CILK1: variants seen among roughly 807,000 people sequenced by gnomAD.
CILK1 encodes the protein serine/threonine-protein kinase ICK.
In CILK1, 47 loss-of-function variants were observed where a neutral mutation model predicts 79.2. The ratio of observed to expected loss-of-function variants is 0.59; its 90% CI spans 0.47 to 0.76. The LOEUF is 0.76. Among genes scored for constraint, CILK1 ranks in the 30% least tolerant of loss-of-function variants. The pLI is 0.00. For missense variants in CILK1, 660 were observed against 769.5 expected (o/e 0.86, Z 1.68); for synonymous variants, 266 against 275.9 (o/e 0.96, Z 0.36).
intron 4 of CILK1, among the ~76,000 whole-genome samples, chr6:53,032,263 T>C (rs978400728): frequency 1.3e-5 from 2 of 152,096 alleles, no homozygotes; most frequent in African/African-American, 4.8e-5. Context: ...GAAAGCCCAG[T>C]AGCGTGAATG....
At chr6:53,009,986 G>A (rs533116737) in intron 11 of CILK1, among the ~76,000 whole-genome samples, 2 of 152,070 alleles carry the variant, frequency 1.3e-5, no homozygotes, top group East Asian at 3.9e-4. Flanking sequence ...CTTCTCACCC[G>A]ACCTGGACCA....
intron 1 of CILK1, among the ~76,000 whole-genome samples, chr6:53,059,976 A>T (rs1464931169): frequency 1.3e-5 from 2 of 152,222 alleles, no homozygotes; most frequent in Non-Finnish European, 2.9e-5. Context: ...TAGAATATAG[A>T]AGGAGGGATC....
chr6:53,032,981 G>A (rs1766070533), intron 3 of CILK1, among the ~76,000 whole-genome samples: 1 of 152,216 alleles, frequency 6.6e-6, no homozygotes, highest in African/African-American at 2.4e-5. Flanking sequence ...TGTGGAAGAA[G>A]CCAGAGGGGA....
At chr6:53,038,145 T>C (rs922873797) in intron 2 of CILK1, 152 bp from the exon 3 acceptor site, 4 of 653,688 alleles carry the variant, frequency 6.1e-6, no homozygotes, top group Non-Finnish European at 1.1e-5. Flanking sequence ...AAACCAGCAC[T>C]TATTTTCAAA....
intron 1 of CILK1, among the ~76,000 whole-genome samples, chr6:53,051,305 A>G (rs1487260593): frequency 1.3e-5 from 2 of 152,262 alleles, no homozygotes; most frequent in Admixed American, 6.5e-5. Flanking sequence ...TGTCAGTTAT[A>G]TTAATTTCCC....
At chr6:53,019,110 G>T in intron 6 of CILK1, 117 bp downstream of exon 6, 1 of 936,982 alleles carries the variant, frequency 1.1e-6, no homozygotes, top group Non-Finnish European at 1.7e-6. Context: ...ATATGTTTCA[G>T]ACTGCACTGT....
chr6:53,051,927 T>A (rs1767507636), intron 1 of CILK1: 1 of 152,234 alleles, frequency 6.6e-6, no homozygotes, highest in South Asian at 2.1e-4. Flanking sequence ...AATGTACTTA[T>A]CTCTTTTATT....
At chr6:53,021,138 A>G (rs1581702236) in intron 5 of CILK1, among the ~76,000 whole-genome samples, 1 of 152,310 alleles carries the variant, frequency 6.6e-6, no homozygotes, top group East Asian at 1.9e-4. Context: ...CCTGGCCAAT[A>G]TGGTGAAACA....
chr6:53,054,136 C>A (rs114218391), intron 1 of CILK1, among the ~76,000 whole-genome samples: 1 of 152,174 alleles, frequency 6.6e-6, no homozygotes, highest in African/African-American at 2.4e-5. Flanking sequence ...CTCAGCCAGG[C>A]CCCAGTAAAC....
intron 1 of CILK1, chr6:53,052,182 T>C (rs1021335499): frequency 6.6e-6 from 1 of 152,220 alleles, no homozygotes; most frequent in African/African-American, 2.4e-5. Context: ...GTTAGTTTGC[T>C]GAGGATGATG....
chr6:53,022,226 G>C (rs1413053428), intron 5 of CILK1, among the ~76,000 whole-genome samples: 2 of 152,154 alleles, frequency 1.3e-5, no homozygotes, highest in African/African-American at 4.8e-5. Context: ...AAAATTTAGT[G>C]TATCCTTGGT....
Position 53,009,529 on chromosome 6 carries a change from T to G in CILK1, c.1531A>C (p.Lys511Gln), listed in dbSNP as rs775630827. The G allele has an allele frequency of 6.2e-7, 1 of 1,612,348 alleles. No individual in the cohort carries two copies. The highest frequency in any genetic ancestry group is 8.5e-7 in the Non-Finnish European group (1 of 1,178,326). Residue 511 changes from lysine (K) to glutamine (Q), a missense_variant, in exon 12 of 14, where the codon AAG becomes CAG. Lys to Gln is a moderately conservative substitution (Grantham distance 53). Transcript: ENST00000676107. ...IRNGILSNPG[K>Q]EFIPPNPWSS... is the part of the protein sequence containing the mutation. ...CATGGATTAGGTGGAATAAATTCCT[T>G]GCCTGGATTCGAGAGTATGCCATTT... is the stretch of plus-strand genomic sequence containing the variant.
At chr6:53,041,815 G>C (rs1766728935) in intron 1 of CILK1, among the ~76,000 whole-genome samples, 1 of 152,148 alleles carries the variant, frequency 6.6e-6, no homozygotes, top group Admixed American at 6.5e-5. Flanking sequence ...TGCCTGTCTA[G>C]GGTTGGTTCC....
rs1402101982 is a variant in CILK1, at chr6:53,018,322, A to G, written c.663+8T>C. The G allele has an allele frequency of 6.2e-7, 1 of 1,613,828 alleles. No individual in the cohort carries two copies. The highest frequency in any genetic ancestry group is 8.5e-7 in the Non-Finnish European group (1 of 1,179,850). ...TTTGGCCCACTGGCCTTTGTTTTGT[A>G]TCATTACCTTTTTTGGTGTCCCCAG... On this transcript the variant is annotated splice_region_variant and intron_variant, in intron 7 of 13. Coordinates refer to ENST00000676107, the MANE Select transcript of CILK1 (RefSeq NM_014920.5).
intron 3 of CILK1, among the ~76,000 whole-genome samples, chr6:53,034,387 A>G (rs1766171724): frequency 6.6e-6 from 1 of 152,144 alleles, no homozygotes; most frequent in Non-Finnish European, 1.5e-5. Flanking sequence ...TGTGTGGGGG[A>G]CGTCAAGTGA....
At chr6:53,028,177 G>T (rs189132732) in intron 5 of CILK1, among the ~76,000 whole-genome samples, 18 of 151,316 alleles carry the variant, frequency 1.2e-4, no homozygotes, top group Non-Finnish European at 2.9e-5. Flanking sequence ...TTAGCCGGGC[G>T]TGGTGGCATG....
rs1764445159 is a variant in CILK1, at chr6:53,009,684, C to G, written c.1493-117G>C. On this transcript the variant is annotated intron_variant, in intron 11 of 13. Transcript: ENST00000676107. ...CAAAAACTCTCTATGATACAATAAT[C>G]AAAGCAAAAACTGACTGTGATGATG... The G allele has an allele frequency of 2.4e-5, 21 of 882,216 alleles. No individual in the cohort carries two copies. In the East Asian group the frequency reaches 5.4e-4, roughly 23 times the overall value. 54.6% of individuals were successfully genotyped at this position (882,216 alleles called of 1,614,324 possible).
At chr6:53,014,598 T>C (rs1222779962) in intron 8 of CILK1, among the ~76,000 whole-genome samples, 1 of 152,264 alleles carries the variant, frequency 6.6e-6, no homozygotes, top group Non-Finnish European at 1.5e-5. Flanking sequence ...TATATTCTCT[T>C]GTCTTTCTGA....
rs1766856310 is a variant in CILK1, at chr6:53,043,601, G to C, written c.-172-2193C>G. 2.0e-5 allele frequency among the ~76,000 whole-genome samples: 3 copies of C among 152,068 alleles called. No homozygotes were observed. In the South Asian group the frequency reaches 6.2e-4, roughly 31 times the overall value. Reference sequence around the variant, plus strand: ...AGACTCCCTACAACCTCCTTCAGTAGCTCTTTAGGGTGATGTATTCCATTG... The same window carrying C: ...AGACTCCCTACAACCTCCTTCAGTACCTCTTTAGGGTGATGTATTCCATTG... On this transcript the variant is annotated intron_variant, in intron 1 of 13. Transcript: ENST00000676107.
Sources: allele counts gnomAD v4.1 joint callset (sites outside exome capture counted in the v4.1 genomes callset), GRCh38; gene constraint gnomAD v4.1.1; transcripts MANE v1.5; gene names NCBI Gene and HGNC (gene_info 2026-07-23, HGNC 2026-07-21).